Variants in EHMT2 observed in about 807,000 individuals in gnomAD.
EHMT2 encodes the protein histone-lysine N-methyltransferase EHMT2.
Under a neutral mutation model 143.3 loss-of-function variants are expected in EHMT2, and 59 were observed. The observed-to-expected ratio is 0.41, with a 90% CI of 0.33 to 0.51. The LOEUF (loss-of-function observed/expected upper bound fraction) is 0.51, where lower values mean the gene tolerates loss of function less well. Ranked by LOEUF, EHMT2 falls within the 20% of genes least tolerant of loss-of-function variation. The pLI is 0.18. For synonymous variants in EHMT2, 604 were observed against 651.5 expected (o/e 0.93, Z 1.11); for missense variants, 1,174 against 1,645.9 (o/e 0.71, Z 4.96).
At chr6:31,879,826 T>G in exon 28 of EHMT2, 1 of 520,920 alleles carries the variant, frequency 1.9e-6, no homozygotes. Context: ...CGACTTCAAT[T>G]CATCAAACTT....
exon 18 of EHMT2, chr6:31,886,659 G>T (rs1372776244): frequency 6.2e-7 from 1 of 1,613,888 alleles, no homozygotes; most frequent in South Asian, 1.1e-5. Context: ...CTGCGTGGTG[G>T]AGGCAGGTGG....
rs745754950 is a variant in EHMT2, at chr6:31,896,589, G to C, written c.328+17C>G. On this transcript the variant is annotated intron_variant, in intron 3 of 27. Transcript: ENST00000375537. ...CAGAAATTTCCCACCAACCCCCCAG[G>C]CTACCCAGCCTCTCACCCAGCAGGA... 17 of 1,588,028 alleles carry C rather than the reference G, an allele frequency of 1.1e-5. No individual in the cohort carries two copies. The highest frequency in any genetic ancestry group is 1.5e-5 in the Non-Finnish European group (17 of 1,166,868).
rs1396838607 is a variant in EHMT2, at chr6:31,886,841, G to A, written c.2175C>T (p.Ala725=). Residue 725 remains alanine, a synonymous_variant, in exon 17 of 28, where the codon GCC becomes GCT. Transcript: ENST00000375537. ...CTACCTCCAGGTGGTTGTTCACCAC[G>A]GCCTCCATCAGTGGCGTCCGCTGCT... 10 of 1,614,212 alleles carry A rather than the reference G, an allele frequency of 6.2e-6. No individual in the cohort carries two copies. The East Asian group carries it at 6.7e-5, about 11-fold the overall frequency.
rs1763972511 is a variant in EHMT2 at position 31,880,572 on chromosome 6, T to C, written c.3452+101A>G. The stretch of plus-strand genomic sequence containing the variant: ...CACTGAAATCTGAGAAGCTCTGCAC[T>C]ACTCCATGCCTGGACACCAGGTACA... On this transcript the variant is annotated intron_variant, in intron 27 of 27. Transcript: ENST00000375537. This position sits in a 1 kb window ranked among gnomAD's most constrained non-coding sequence, Gnocchi z 6.6. 1 of 1,283,134 alleles carries C rather than the reference T, an allele frequency of 7.8e-7. No individual in the cohort carries two copies. Among genetic ancestry groups the C allele is most frequent in the Admixed American group, 1.9e-5 (1 of 51,874 alleles). 79.5% of individuals were successfully genotyped at this position (1,283,134 alleles called of 1,614,324 possible).
Position 31,886,695 on chromosome 6 carries a change from C to T in EHMT2, c.2242-13G>A, listed in dbSNP as rs1021905040. On this transcript the variant is annotated splice_polypyrimidine_tract_variant and intron_variant, in intron 17 of 27. Transcript: ENST00000375537. Reference sequence around the variant, plus strand: ...AACCGTCCTCCTCCTGAGGGAGACACGGGCAAATGAGCCTTTGGGCTGGCA... The same window carrying T: ...AACCGTCCTCCTCCTGAGGGAGACATGGGCAAATGAGCCTTTGGGCTGGCA... 48 of 1,613,868 alleles carry T rather than the reference C, an allele frequency of 3.0e-5. No individual in the cohort carries two copies. Among genetic ancestry groups the T allele is most frequent in the East Asian group, 1.8e-4 (8 of 44,894 alleles).
chr6:31,883,551 C>T lies in EHMT2; in HGVS notation c.2917-112G>A. ...TCCTTTCTTTGGGGTCCATGTGTTA[C>T]AACAGTGGGTGGTGATGGTCCTAGG... On this transcript the variant is annotated intron_variant, in intron 22 of 27. Transcript: ENST00000375537. The surrounding 1 kb of genome is among the most constrained non-coding windows in gnomAD (Gnocchi z 5.6). 1 of 1,186,728 alleles carries T rather than the reference C, an allele frequency of 8.4e-7. No individual in the cohort carries two copies. The highest frequency in any genetic ancestry group is 1.9e-4 in the Middle Eastern group (1 of 5,170). The allele number at this position is 1,186,728 out of a possible 1,614,324, so 73.5% of individuals were successfully genotyped here. A position where few individuals can be genotyped will look rare whatever the true frequency, so the allele number is the denominator to read the frequency against.
At position 31,880,696 on chromosome 6, in the gene EHMT2, G is replaced by A. The variant is rs1763993955; in HGVS notation, c.3429C>T (p.Asp1143=). 6.2e-7 allele frequency: 1 copy of A among 1,613,612 alleles called. No homozygotes were observed. The highest frequency in any genetic ancestry group is 8.5e-7 in the Non-Finnish European group (1 of 1,179,998). Reference sequence around the variant, plus strand: ...ACCCTAGCTCCTCCCCAGTCCGGATGTCTCGGGAACTGAAGAAGGCGATGC... The same window carrying A: ...ACCCTAGCTCCTCCCCAGTCCGGATATCTCGGGAACTGAAGAAGGCGATGC... Residue 1143 remains aspartate, a synonymous_variant, in exon 27 of 28, where the codon GAC becomes GAT. Coordinates refer to ENST00000375537, the Ensembl canonical transcript of EHMT2. This position sits in a 1 kb window ranked among gnomAD's most constrained non-coding sequence, Gnocchi z 6.6.
In EHMT2 at chr6:31,888,604, C is replaced by T. The variant is rs1581922700; in HGVS notation, c.1360G>A (p.Gly454Arg). The T allele has an allele frequency of 2.5e-6, 4 of 1,612,668 alleles. No homozygotes were observed. The highest frequency in any genetic ancestry group is 2.5e-6 in the Non-Finnish European group (3 of 1,179,880). ...CCACCAGCCCACGGCCCCACCTCTC[C>T]GTCCACACTCTCAGTGGCCATGCAC... Residue 454 changes from glycine to arginine, a missense_variant, in exon 11 of 28, where the codon GGA becomes AGA. Transcript: ENST00000375537. This position sits in a 1 kb window ranked among gnomAD's most constrained non-coding sequence, Gnocchi z 7.4.
Position 31,886,687 on chromosome 6 carries a change from G to A in EHMT2, c.2242-5C>T, listed in dbSNP as rs1231944171. The A allele has an allele frequency of 6.2e-7, 1 of 1,614,086 alleles. No homozygotes were observed. Among genetic ancestry groups the A allele is most frequent in the East Asian group, 2.2e-5 (1 of 44,886 alleles). On this transcript the variant is annotated splice_region_variant and splice_polypyrimidine_tract_variant and intron_variant, in intron 17 of 27. Transcript: ENST00000375537. ...GCAGGTGGAACCGTCCTCCTCCTGA[G>A]GGAGACACGGGCAAATGAGCCTTTG...
Position 31,888,792 on chromosome 6 carries a change from C to G in EHMT2, c.1217-45G>C. 3 of 1,602,200 alleles carry G rather than the reference C, an allele frequency of 1.9e-6. No individual in the cohort carries two copies. ...GAGCTGAGGGAGGCTCTGCACCTCA[C>G]CTACTGGGACCCCTGGCGGGTCCTC... On this transcript the variant is annotated intron_variant, in intron 10 of 27. Coordinates refer to ENST00000375537, the Ensembl canonical transcript of EHMT2. The surrounding 1 kb of genome is among the most constrained non-coding windows in gnomAD (Gnocchi z 7.4).
At position 31,883,495 on chromosome 6, in the gene EHMT2, C is replaced by T. The variant is rs1764390239; in HGVS notation, c.2917-56G>A. 5 of 1,537,926 alleles carry T rather than the reference C, an allele frequency of 3.3e-6. No individual in the cohort carries two copies. Among genetic ancestry groups the T allele is most frequent in the Non-Finnish European group, 4.4e-6 (5 of 1,125,338 alleles). On this transcript the variant is annotated intron_variant, in intron 22 of 27. Coordinates refer to ENST00000375537, the Ensembl canonical transcript of EHMT2. This position sits in a 1 kb window ranked among gnomAD's most constrained non-coding sequence, Gnocchi z 5.6. ...CCCATGATCGGTCTGGGCCCCTCTA[C>T]TCTTGATGCCCCCTGACCCCCTAAC...
At chr6:31,897,690 TG>T, upstream of EHMT2, 1 of 1,098,704 alleles carries the variant, frequency 9.1e-7, no homozygotes, top group African/African-American at 1.7e-5. Context: ...CCGCTTGCGC[TG>T]GGGGCCGAGC....
At position 31,889,346 on chromosome 6, in the gene EHMT2, G is replaced by C. The variant is rs776618905; in HGVS notation, c.1000-4C>G. 1 of 1,611,680 alleles carries C rather than the reference G, an allele frequency of 6.2e-7. No individual in the cohort carries two copies. The highest frequency in any genetic ancestry group is 8.5e-7 in the Non-Finnish European group (1 of 1,179,856). ...TGCGCCGGCCACTGGAACCACTCTG[G>C]GAAGGGGGAGGAGGAGGAGTTAGGA... On this transcript the variant is annotated splice_polypyrimidine_tract_variant and splice_region_variant and intron_variant, in intron 8 of 27. Coordinates refer to ENST00000375537, the Ensembl canonical transcript of EHMT2. The surrounding 1 kb of genome is among the most constrained non-coding windows in gnomAD (Gnocchi z 5.1).
Position 31,884,161 on chromosome 6 carries a change from A to T in EHMT2, c.2772-211T>A. The T allele has an allele frequency of 1.4e-6, 1 of 703,282 alleles. No homozygotes were observed. The highest frequency in any genetic ancestry group is 2.3e-6 in the Non-Finnish European group (1 of 434,136). The allele number at this position is 703,282 out of a possible 1,614,324, so 43.6% of individuals were successfully genotyped here. Reference sequence around the variant, plus strand: ...CCCAAAAATTACACAGGACATTCTCACACTAAAAAAGTATGCATCTGTGCA... The same window carrying T: ...CCCAAAAATTACACAGGACATTCTCTCACTAAAAAAGTATGCATCTGTGCA... On this transcript the variant is annotated intron_variant, in intron 21 of 27. Coordinates refer to ENST00000375537, the Ensembl canonical transcript of EHMT2. This position sits in a 1 kb window ranked among gnomAD's most constrained non-coding sequence, Gnocchi z 7.3.
chr6:31,889,032 T>A lies in EHMT2; in HGVS notation c.1153A>T (p.Met385Leu). The change falls in exon 10 of 28, where the codon ATG (methionine) becomes TTG (leucine). Residue 385 changes from methionine to leucine, a missense_variant. Met to Leu is a conservative substitution (Grantham distance 15). Coordinates refer to ENST00000375537, the Ensembl canonical transcript of EHMT2. The surrounding 1 kb of genome is among the most constrained non-coding windows in gnomAD (Gnocchi z 5.1). ...TCCAGGGACCCCAGAGGGACCTCCA[T>A]GTACTCACTGGGGCCTGAGGAGCCC... 1.2e-6 allele frequency: 2 copies of A among 1,604,660 alleles called. No individual in the cohort carries two copies. Among genetic ancestry groups the A allele is most frequent in the Non-Finnish European group, 1.7e-6 (2 of 1,177,012 alleles).
rs771350061 is a variant in EHMT2, at chr6:31,889,192, G to A, written c.1114+36C>T. 6.4e-7 allele frequency: 1 copy of A among 1,574,410 alleles called. No homozygotes were observed. Among genetic ancestry groups the A allele is most frequent in the Admixed American group, 1.8e-5 (1 of 54,332 alleles). On this transcript the variant is annotated intron_variant, in intron 9 of 27. Coordinates refer to ENST00000375537, the Ensembl canonical transcript of EHMT2. The surrounding 1 kb of genome is among the most constrained non-coding windows in gnomAD (Gnocchi z 5.1). ...ACACACTCTGGGGGGCCGGGCGGGG[G>A]CTGGAGGGCACCCAAAAGCAGCAGA...
chr6:31,889,483 C>G lies in EHMT2; in HGVS notation c.984G>C (p.Gly328=). ...CGTCTCTTACCCTATCTGACTGATT[C>G]CCTGACTCCTCATCTTCCTCTTCTT... Residue 328 remains glycine (G), a synonymous_variant, in exon 8 of 28, where the codon GGG becomes GGC. Transcript: ENST00000375537. The surrounding 1 kb of genome is among the most constrained non-coding windows in gnomAD (Gnocchi z 5.1). 1 of 1,612,826 alleles carries G rather than the reference C, an allele frequency of 6.2e-7. No individual in the cohort carries two copies. Among genetic ancestry groups the G allele is most frequent in the South Asian group, 1.1e-5 (1 of 91,054 alleles).
In EHMT2 at chr6:31,887,153, G is replaced by A. The variant is rs762321396; in HGVS notation, c.2012-52C>T. 8 of 1,475,926 alleles carry A rather than the reference G, an allele frequency of 5.4e-6. No homozygotes were observed. In the South Asian group the frequency reaches 1.0e-4, roughly 19 times the overall value. The allele number at this position is 1,475,926 out of a possible 1,614,324, so 91.4% of individuals were successfully genotyped here. A position where few individuals can be genotyped will look rare whatever the true frequency, so the allele number is the denominator to read the frequency against. ...AGAGGGAGGGACAAGTGGTAAGCAA[G>A]CTAGGGGGCAGGTGGCACTTCTTTC... is the stretch of plus-strand genomic sequence containing the variant. On this transcript the variant is annotated intron_variant, in intron 15 of 27. Coordinates refer to ENST00000375537, the Ensembl canonical transcript of EHMT2.
Position 31,881,125 on chromosome 6 carries a change from A to G in EHMT2, c.3198-33T>C. 6.3e-7 allele frequency: 1 copy of G among 1,592,072 alleles called. No individual in the cohort carries two copies. The highest frequency in any genetic ancestry group is 8.6e-7 in the Non-Finnish European group (1 of 1,161,244). Reference sequence around the variant, plus strand: ...ACAGGAATCCATGGTTCTGAAGGTGAGTGTGGGCTATTAGGAGGTGGCTCC... The same window carrying G: ...ACAGGAATCCATGGTTCTGAAGGTGGGTGTGGGCTATTAGGAGGTGGCTCC... On this transcript the variant is annotated intron_variant, in intron 25 of 27. Transcript: ENST00000375537. The surrounding 1 kb of genome is among the most constrained non-coding windows in gnomAD (Gnocchi z 4.8).
Sources: gnomAD v4.1 joint callset for allele counts on GRCh38, gnomAD v4.1.1 for gene constraint, Gnocchi (gnomAD v3.1) non-coding constraint, MANE v1.5 for transcripts, NCBI Gene and HGNC (gene_info 2026-07-23, HGNC 2026-07-21) for gene names.